LHPP: variants seen among roughly 807,000 people sequenced by gnomAD.
LHPP encodes the protein hLHPP.
LHPP carries 24 observed loss-of-function variants against 30.3 expected under a neutral mutation model. That is an observed-to-expected ratio of 0.79 (90% CI 0.57 to 1.11). The LOEUF (loss-of-function observed/expected upper bound fraction) is 1.11. Ranked by LOEUF, LHPP falls within the 50% of genes most tolerant of loss-of-function variation. LHPP has a pLI of 0.00. For synonymous variants in LHPP, 150 were observed against 157.1 expected (o/e 0.95, Z 0.34); for missense variants, 356 against 367.2 (o/e 0.97, Z 0.25).
intron 1 of LHPP, among the ~76,000 whole-genome samples, chr10:124,468,357 A>G (rs1952622068): frequency 6.6e-6 from 1 of 152,194 alleles, no homozygotes; most frequent in Non-Finnish European, 1.5e-5. Context: ...ACAATCCCGA[A>G]ATACACCACA....
At chr10:124,537,810 G>C (rs954300673) in intron 6 of LHPP, among the ~76,000 whole-genome samples, 1 of 152,220 alleles carries the variant, frequency 6.6e-6, no homozygotes, top group Non-Finnish European at 1.5e-5. Context: ...AGTAATTTAG[G>C]CTGCATGGAC....
intron 6 of LHPP, among the ~76,000 whole-genome samples, chr10:124,599,306 G>A (rs1400615204): frequency 2.0e-5 from 3 of 151,910 alleles, no homozygotes; most frequent in Non-Finnish European, 4.4e-5. Flanking sequence ...ATCCACCCAG[G>A]CGAGCACCTG....
chr10:124,483,811 GA>G (rs2133846980), intron 1 of LHPP, among the ~76,000 whole-genome samples: 2 of 150,562 alleles, frequency 1.3e-5, no homozygotes, highest in South Asian at 4.2e-4. Context: ...GAGGCGGGGG[GA>G]CAGAGTTGCA....
At chr10:124,551,565 G>A (rs926322328) in intron 6 of LHPP, among the ~76,000 whole-genome samples, 5 of 152,190 alleles carry the variant, frequency 3.3e-5, no homozygotes, top group South Asian at 2.1e-4. Context: ...TCAGGTGGTG[G>A]GAGGCCATCC....
chr10:124,578,036 G>T (rs1364630398), intron 6 of LHPP, among the ~76,000 whole-genome samples: 2 of 152,176 alleles, frequency 1.3e-5, no homozygotes, highest in Non-Finnish European at 2.9e-5. Context: ...GTGTGCTAGA[G>T]TGGCCCCAGC....
chr10:124,469,657 T>C (rs895636389), intron 1 of LHPP, among the ~76,000 whole-genome samples: 2 of 152,076 alleles, frequency 1.3e-5, no homozygotes, highest in African/African-American at 4.8e-5. Flanking sequence ...TTTTTTTTCA[T>C]TCATTCATTC....
chr10:124,607,951 G>C (rs1243548403), intron 6 of LHPP, among the ~76,000 whole-genome samples: 2 of 152,312 alleles, frequency 1.3e-5, no homozygotes, highest in East Asian at 3.9e-4. Context: ...AGTGGGAGCT[G>C]AGGGCAGCCT....
At position 124,507,898 on chromosome 10, in the gene LHPP, G is replaced by GGGTTAGAGAGGATTTCAGGTGGGA. The variant is rs1564798628; in HGVS notation, c.625-9280_625-9279insTTAGAGAGGATTTCAGGTGGGAGG. On this transcript the variant is annotated intron_variant, in intron 5 of 6. Coordinates refer to ENST00000368842, the MANE Select transcript of LHPP (RefSeq NM_022126.4). ...GGGGTAGGCAGGATTTCAGGTCGGGGGGGTAGACAGGATTTCAGGTGGGGA... is the reference window on the plus strand; with the variant it reads ...GGGGTAGGCAGGATTTCAGGTCGGGGGGTTAGAGAGGATTTCAGGTGGGAGGGTAGACAGGATTTCAGGTGGGGA... 4.0e-4 allele frequency among the ~76,000 whole-genome samples: 44 copies of GGGTTAGAGAGGATTTCAGGTGGGA among 109,156 alleles called. 3 individuals carry two copies. Among genetic ancestry groups the GGGTTAGAGAGGATTTCAGGTGGGA allele is most frequent in the South Asian group, 2.2e-3 (5 of 2,304 alleles). The allele number at this position is 109,156 out of a possible 152,430, so 71.6% of individuals were successfully genotyped here.
Position 124,570,004 on chromosome 10 carries a change from A to G in LHPP, c.717-43260A>G, listed in dbSNP as rs542215592. Among the ~76,000 whole-genome samples the G allele has an allele frequency of 2.1e-4, 32 of 152,146 alleles. No homozygotes were observed. The East Asian group carries it at 6.0e-3, about 29-fold the overall frequency. On this transcript the variant is annotated intron_variant, in intron 6 of 6. Transcript: ENST00000368842. ...ACCCCTGCCCTGACTTGCAGTGTAG[A>G]GCTCACCCGGCCACTTCCTCTTTTG...
intron 6 of LHPP, among the ~76,000 whole-genome samples, chr10:124,610,434 C>T (rs1435683137): frequency 1.6e-5 from 1 of 62,394 alleles, no homozygotes. Flanking sequence ...GGTGAGGGTG[C>T]TGATGCAGCG....
At position 124,593,505 on chromosome 10, in the gene LHPP, G is replaced by T. The variant is rs1948906366; in HGVS notation, c.717-19759G>T. Among the ~76,000 whole-genome samples, 1 of 152,156 alleles carries T rather than the reference G, an allele frequency of 6.6e-6. No homozygotes were observed. Among genetic ancestry groups the T allele is most frequent in the African/African-American group, 2.4e-5 (1 of 41,438 alleles). On this transcript the variant is annotated intron_variant, in intron 6 of 6. Transcript: ENST00000368842. The surrounding 1 kb of genome is among the most constrained non-coding windows in gnomAD (Gnocchi z 4.9). ...TTTCCAGCATTAGAGTCACACTGGG[G>T]TCCTTGTTCTAGCCCCCGTGTGTTG...
At chr10:124,498,963 C>G (rs1284637419) in intron 5 of LHPP, among the ~76,000 whole-genome samples, 1 of 151,222 alleles carries the variant, frequency 6.6e-6, no homozygotes, top group Non-Finnish European at 1.5e-5. Context: ...CTCACTGCAA[C>G]CTCCACCTCC....
At position 124,517,518 on chromosome 10, in the gene LHPP, GA is replaced by G. The variant is rs1954490283; in HGVS notation, c.716+250del. 3 of 290,096 alleles carry G rather than the reference GA, an allele frequency of 1.0e-5. No individual in the cohort carries two copies. The highest frequency in any genetic ancestry group is 1.9e-5 in the Non-Finnish European group (3 of 155,972). 18.0% of individuals were successfully genotyped at this position (290,096 alleles called of 1,614,324 possible). A position where few individuals can be genotyped will look rare whatever the true frequency, so the allele number is the denominator to read the frequency against. On this transcript the variant is annotated intron_variant, in intron 6 of 6. Transcript: ENST00000368842. The surrounding 1 kb of genome is among the most constrained non-coding windows in gnomAD (Gnocchi z 4.1). ...TTTGGAATGGCGTGCAGTGCAGAGA[GA>G]AATAAGCAAAGGCACTATCCATCCT...
At position 124,576,512 on chromosome 10, in the gene LHPP, A is replaced by G. The variant is rs897391048; in HGVS notation, c.717-36752A>G. ...ACTCCCTACCATATGCTGTTCCCAG[A>G]CCCCCCTCCATGGCCTGCCCCCAGA... On this transcript the variant is annotated intron_variant, in intron 6 of 6. Coordinates refer to ENST00000368842, the MANE Select transcript of LHPP (RefSeq NM_022126.4). This position sits in a 1 kb window ranked among gnomAD's most constrained non-coding sequence, Gnocchi z 4.2. Among the ~76,000 whole-genome samples the G allele has an allele frequency of 1.5e-5, 2 of 134,946 alleles. No homozygotes were observed. Among genetic ancestry groups the G allele is most frequent in the African/African-American group, 2.9e-5 (1 of 34,850 alleles). 88.5% of individuals were successfully genotyped at this position (134,946 alleles called of 152,430 possible). A position where few individuals can be genotyped will look rare whatever the true frequency, so the allele number is the denominator to read the frequency against.
chr10:124,540,032 C>T (rs1955142471), intron 6 of LHPP, among the ~76,000 whole-genome samples: 1 of 152,222 alleles, frequency 6.6e-6, no homozygotes. Context: ...CCCGCTTCTG[C>T]TCATTTTCTT....
chr10:124,554,119 TG>T (rs1291663307), intron 6 of LHPP: 4 of 939,610 alleles, frequency 4.3e-6, no homozygotes, highest in Non-Finnish European at 5.1e-6. Flanking sequence ...CATTTACAGC[TG>T]GGACGACCTG....
intron 6 of LHPP, among the ~76,000 whole-genome samples, chr10:124,588,481 G>A (rs1379186526): frequency 6.6e-6 from 1 of 152,002 alleles, no homozygotes; most frequent in Non-Finnish European, 1.5e-5. Context: ...ATGGAATTTC[G>A]CCATGTTGAC....
In LHPP at chr10:124,602,950, C is replaced by G. The variant is rs573579465; in HGVS notation, c.717-10314C>G. 1.8e-4 allele frequency among the ~76,000 whole-genome samples: 28 copies of G among 152,332 alleles called. No homozygotes were observed. In the South Asian group the frequency reaches 5.4e-3, roughly 29 times the overall value. On this transcript the variant is annotated intron_variant, in intron 6 of 6. Transcript: ENST00000368842. ...TTGGTTGGGGGGCACAGGACCCCAC[C>G]TCACTCTTAGCTCTGAGACACCCTT... is the stretch of plus-strand genomic sequence containing the variant.
At chr10:124,598,627 A>ATCCG (rs1330829539) in intron 6 of LHPP, among the ~76,000 whole-genome samples, 1 of 119,690 alleles carries the variant, frequency 8.4e-6, no homozygotes, top group African/African-American at 3.2e-5. Flanking sequence ...CCATCCACCC[A>ATCCG]TCCGTCCGTC....
Sources: allele counts gnomAD v4.1 joint callset (sites outside exome capture counted in the v4.1 genomes callset), GRCh38; gene constraint gnomAD v4.1.1; non-coding constraint Gnocchi (gnomAD v3.1); transcripts MANE v1.5; gene names NCBI Gene and HGNC (gene_info 2026-07-23, HGNC 2026-07-21).